The following NBPF9 variants were observed in gnomAD, a reference collection of about 807,000 sequenced individuals.
The protein encoded by NBPF9 is NBPF member 9, also known as NBPF family member NBPF9.
A neutral mutation model predicts 97.8 loss-of-function variants in NBPF9; 91 were observed. That is an observed-to-expected ratio of 0.93 (90% CI 0.79 to 1.11). The LOEUF is 1.11. NBPF9 is among the 50% of genes least tolerant of loss of function. The pLI is 0.00. For missense variants in NBPF9, 992 were observed against 939.5 expected (o/e 1.06, Z -0.73); for synonymous variants, 334 against 359.5 (o/e 0.93, Z 0.80).
chr1:149,065,023 A>G, intron 18 of NBPF9: 1 of 560,108 alleles, frequency 1.8e-6, no homozygotes, highest in Non-Finnish European at 3.2e-6. Context: ...GAGCTAAAAC[A>G]AGCGAACTTA....
chr1:149,082,828 G>C lies in NBPF9; in HGVS notation c.-194-398C>G, dbSNP rs1488587935. ...AGAGTCTCACTCTGTCGCCCAGGCT[G>C]GAGTGCAGTGACGCGATCTAGGCTC... On this transcript the variant is annotated intron_variant, in intron 5 of 29. Transcript: ENST00000584027. 7.2e-4 allele frequency among the ~76,000 whole-genome samples: 106 copies of C among 146,754 alleles called. 1 individual carries two copies. The highest frequency in any genetic ancestry group is 3.6e-3 in the Middle Eastern group (1 of 278).
downstream of NBPF9, among the ~76,000 whole-genome samples, chr1:149,053,528 T>A (rs2078026228): frequency 7.3e-6 from 1 of 137,470 alleles, no homozygotes; most frequent in African/African-American, 2.7e-5. Context: ...TGAGTACCAC[T>A]CAGCAAGTGA....
intron 5 of NBPF9, among the ~76,000 whole-genome samples, chr1:149,082,957 CTTTTTTTTTTT>C (rs1157992196): frequency 1.1e-3 from 70 of 66,458 alleles, no homozygotes; most frequent in Admixed American, 6.7e-3. Context: ...TTTTTCTTTT[CTTTTTTTTTTT>C]TTTTTTTTTT....
intron 11 of NBPF9, among the ~76,000 whole-genome samples, chr1:149,076,887 T>C (rs1410206055): frequency 6.6e-6 from 1 of 151,480 alleles, no homozygotes. Context: ...GGTGGGAGGA[T>C]CATCTCAGCC....
chr1:149,072,748 C>T (rs782661745), exon 14 of NBPF9: 2 of 1,609,922 alleles, frequency 1.2e-6, no homozygotes, highest in East Asian at 2.2e-5. Flanking sequence ...AGGTGCTGTG[C>T]CAGTCTACAC....
Position 149,075,326 on chromosome 1 carries a change from T to G in NBPF9, c.988+329A>C, listed in dbSNP as rs1166004012. ...TTTAGAACAACAGACTAGATGTTAT[T>G]TGTCTGCAGGATCTTATATGGTAGA... On this transcript the variant is annotated intron_variant, in intron 12 of 29. Transcript: ENST00000584027. Among the ~76,000 whole-genome samples, 18 of 151,766 alleles carry G rather than the reference T, an allele frequency of 1.2e-4. No homozygotes were observed. The East Asian group carries it at 3.4e-3, about 28-fold the overall frequency.
chr1:149,084,386 G>A (rs1553657855), intron 5 of NBPF9, among the ~76,000 whole-genome samples: 1 of 146,226 alleles, frequency 6.8e-6, no homozygotes, highest in Admixed American at 6.9e-5. Context: ...TATAATACGT[G>A]TATATACATA....
At chr1:149,077,413 C>G in exon 11 of NBPF9, 1 of 1,609,674 alleles carries the variant, frequency 6.2e-7, no homozygotes, top group Non-Finnish European at 8.5e-7. Flanking sequence ...CAGCCTTCTG[C>G]ACCTCCCTGA....
intron 8 of NBPF9, among the ~76,000 whole-genome samples, 190 bp downstream of exon 8, chr1:149,079,863 A>G (rs1290640970): frequency 2.6e-4 from 40 of 152,226 alleles, no homozygotes; most frequent in South Asian, 4.1e-4. Context: ...ACAAGGCTCT[A>G]AGAAACAACT....
At chr1:149,103,361 GC>G (rs150259865) in exon 1 of NBPF9, 4 of 152,028 alleles carry the variant, frequency 2.6e-5, no homozygotes, top group Admixed American at 6.5e-5. Flanking sequence ...CGGCAGCCGC[GC>G]CGCCGCGCCT....
chr1:149,059,725 CT>C lies in NBPF9; in HGVS notation c.2559del (p.Glu854LysfsTer43). 1 of 571,186 alleles carries C rather than the reference CT, an allele frequency of 1.8e-6. No homozygotes were observed. Among genetic ancestry groups the C allele is most frequent in the East Asian group, 2.7e-5 (1 of 37,144 alleles). 35.4% of individuals were successfully genotyped at this position (571,186 alleles called of 1,614,324 possible). A position where few individuals can be genotyped will look rare whatever the true frequency, so the allele number is the denominator to read the frequency against. On this transcript the variant is annotated frameshift_variant, in exon 25 of 30. Coordinates refer to ENST00000584027, the Ensembl canonical transcript of NBPF9. LOFTEE classifies it high-confidence loss of function. ...CTGGGGCATGGTGGGTTTTGATTTT[CT>C]TCCCCTTCTTTTCTTCCCCTTCTTC...
chr1:149,074,581 G>C (rs1337499093), intron 12 of NBPF9, among the ~76,000 whole-genome samples: 2 of 151,360 alleles, frequency 1.3e-5, no homozygotes, highest in Non-Finnish European at 3.0e-5. Context: ...TATTATTGTA[G>C]TACCCTCTGA....
chr1:149,098,642 A>G (rs1247687316), exon 4 of NBPF9: 9 of 1,071,872 alleles, frequency 8.4e-6, no homozygotes, highest in Non-Finnish European at 1.1e-5. Flanking sequence ...AAGGGACGGT[A>G]AGGTGAGAGC....
At chr1:149,067,227 G>T (rs1464524226) in intron 17 of NBPF9, among the ~76,000 whole-genome samples, 1 of 132,910 alleles carries the variant, frequency 7.5e-6, no homozygotes, top group Non-Finnish European at 1.6e-5. Context: ...CAAGCCAGAA[G>T]AGAGTGGGAG....
At chr1:149,073,546 T>C (rs2079583357) in intron 13 of NBPF9, among the ~76,000 whole-genome samples, 2 of 148,002 alleles carry the variant, frequency 1.4e-5, no homozygotes, top group Non-Finnish European at 3.0e-5. Flanking sequence ...CAACAATTAC[T>C]TGTTTGAAAA....
rs1404580841 is a variant in NBPF9, at chr1:149,103,270, CCGCCCGCCCGGCCTGGCGCGG to C, written c.-843+10_-843+30del. 1 of 151,400 alleles carries C rather than the reference CCGCCCGCCCGGCCTGGCGCGG, an allele frequency of 6.6e-6. No homozygotes were observed. Among genetic ancestry groups the C allele is most frequent in the Non-Finnish European group, 1.5e-5 (1 of 67,838 alleles). The allele number at this position is 151,400 out of a possible 1,614,324, so 9.4% of individuals were successfully genotyped here. On this transcript the variant is annotated intron_variant, in intron 1 of 29. Transcript: ENST00000584027. ...TGTGTACCCGCGGGTCCCGGACTCA[CCGCCCGCCCGGCCTGGCGCGG>C]CGCCTTCACCTCGGAAACGCTGGGT...
intron 11 of NBPF9, among the ~76,000 whole-genome samples, chr1:149,076,492 G>A (rs1430151599): frequency 1.3e-5 from 2 of 148,934 alleles, no homozygotes; most frequent in Non-Finnish European, 3.0e-5. Flanking sequence ...CAGCGCCCCT[G>A]GTCAGAGACT....
chr1:149,079,469 A>C (rs1215876007), intron 8 of NBPF9, among the ~76,000 whole-genome samples: 13 of 151,598 alleles, frequency 8.6e-5, no homozygotes, highest in African/African-American at 2.2e-4. Flanking sequence ...TGTAAACAAA[A>C]GTAGGTGTCT....
intron 4 of NBPF9, among the ~76,000 whole-genome samples, chr1:149,093,102 T>C (rs1400582058): frequency 2.0e-5 from 3 of 151,854 alleles, no homozygotes; most frequent in East Asian, 3.9e-4. Context: ...GGCAGGACAA[T>C]AGGATAATAG....
Sources: allele counts gnomAD v4.1 joint callset (sites outside exome capture counted in the v4.1 genomes callset), GRCh38; gene constraint gnomAD v4.1.1; transcripts MANE v1.5; gene names NCBI Gene and HGNC (gene_info 2026-07-23, HGNC 2026-07-21).